DNAH1: variants seen among roughly 807,000 people sequenced by gnomAD.
DNAH1 encodes axonemal beta dynein heavy chain 1.
DNAH1 carries 327 observed loss-of-function variants against 484.3 expected under a neutral mutation model. The observed-to-expected ratio is 0.68, with a 90% confidence interval of 0.62 to 0.74. The LOEUF (loss-of-function observed/expected upper bound fraction) is 0.74, where lower values mean the gene tolerates loss of function less well. Ranked by LOEUF, DNAH1 falls within the 30% of genes least tolerant of loss-of-function variation. The pLI is 0.00. For synonymous variants in DNAH1, 2,192 were observed against 2,191.9 expected, an observed-to-expected ratio of 1.00 and a Z score of 0.00; for missense variants, 5,052 against 5,546.8, an observed-to-expected ratio of 0.91 and a Z score of 2.83.
At chr3:52,393,161 T>C in intron 65 of DNAH1, 136 bp downstream of exon 65, 1 of 1,414,622 alleles carries the variant, frequency 7.1e-7, no homozygotes, top group South Asian at 1.3e-5. Flanking sequence ...TACATAAGAA[T>C]GCACACAGCA....
At chr3:52,339,744 C>T (rs1241449328) in intron 8 of DNAH1, among the ~76,000 whole-genome samples, 1 of 151,874 alleles carries the variant, frequency 6.6e-6, no homozygotes, top group Non-Finnish European at 1.5e-5. Context: ...CCTCTTCTGT[C>T]AGTATTGCAC....
chr3:52,372,188 G>A, intron 42 of DNAH1, 39 bp from the exon 43 acceptor site: 1 of 1,612,076 alleles, frequency 6.2e-7, no homozygotes, highest in Non-Finnish European at 8.5e-7. Flanking sequence ...CTGTGCACCA[G>A]GCCCACCGCA....
intron 7 of DNAH1, among the ~76,000 whole-genome samples, chr3:52,331,787 G>A (rs1052848567): frequency 1.3e-5 from 2 of 151,974 alleles, no homozygotes; most frequent in African/African-American, 4.8e-5. Context: ...ACCACACCCA[G>A]CTACTTTTTT....
At position 52,353,206 on chromosome 3, in the gene DNAH1, C is replaced by T. The variant is rs748968242; in HGVS notation, c.3131C>T (p.Pro1044Leu). 22 of 1,613,856 alleles carry T rather than the reference C, an allele frequency of 1.4e-5. No homozygotes were observed. Among genetic ancestry groups the T allele is most frequent in the South Asian group, 8.8e-5 (8 of 91,092 alleles). Residue 1044 changes from proline to leucine, a missense_variant, in exon 19 of 78, where the codon CCC (proline) becomes CTC (leucine). Physicochemically the swap from Pro to Leu is moderately conservative, Grantham distance 98. Coordinates refer to ENST00000420323, the MANE Select transcript of DNAH1 (RefSeq NM_015512.5). This position sits in a 1 kb window ranked among gnomAD's most constrained non-coding sequence, Gnocchi z 5.0. ...LRWSESWMND[P>L]LSAIDAEQLE... ...TGGTCGGAGAGCTGGATGAATGACC[C>T]CCTCTCTGCCATCGATGCTGAGCAG...
intron 8 of DNAH1, among the ~76,000 whole-genome samples, chr3:52,339,888 G>T (rs1701872665): frequency 1.3e-5 from 2 of 151,562 alleles, no homozygotes; most frequent in African/African-American, 4.9e-5. Context: ...CTCTTATCTT[G>T]CAGAACTCAA....
In DNAH1 at chr3:52,395,411, C is replaced by T. The variant is rs765674277; in HGVS notation, c.11072C>T (p.Ala3691Val). 3.7e-6 allele frequency: 6 copies of T among 1,613,852 alleles called. No homozygotes were observed. Among genetic ancestry groups the T allele is most frequent in the Non-Finnish European group, 5.1e-6 (6 of 1,179,884 alleles). ...CCTGCTGCCGACCTCTACAAGTTTG[C>T]CGAAGAAATGAAGTTCTCCAAAAAG... ...TDPAADLYKFAEEMKFSKKLS... is the reference protein window; with the variant it reads ...TDPAADLYKFVEEMKFSKKLS... Residue 3691 changes from alanine (A) to valine (V), a missense_variant, in exon 69 of 78, where the codon GCC (alanine) becomes GTC (valine). Around this residue, in one of 4 missense-constraint regions of DNAH1, gnomAD observed 853 missense variants for 899.0 expected, o/e 0.95. Coordinates refer to ENST00000420323, the MANE Select transcript of DNAH1 (RefSeq NM_015512.5). The surrounding 1 kb of genome is among the most constrained non-coding windows in gnomAD (Gnocchi z 4.4).
intron 77 of DNAH1, 87 bp downstream of exon 77, chr3:52,399,866 A>C (rs1478332597): frequency 7.3e-7 from 1 of 1,366,338 alleles, no homozygotes; most frequent in Admixed American, 2.0e-5. Flanking sequence ...TATCCAGGTT[A>C]GCTGAACAAG....
chr3:52,381,739 C>G lies in DNAH1; in HGVS notation c.7708C>G (p.Arg2570Gly). 6.2e-7 allele frequency: 1 copy of G among 1,604,800 alleles called. No individual in the cohort carries two copies. The highest frequency in any genetic ancestry group is 8.5e-7 in the Non-Finnish European group (1 of 1,176,462). Residue 2570 changes from arginine to glycine, a missense_variant, in exon 49 of 78, where the codon CGC becomes GGC. Physicochemically the swap from Arg to Gly is moderately radical, Grantham distance 125 (BLOSUM62 -2). Around this residue, in one of 4 missense-constraint regions of DNAH1, gnomAD observed 2,929 missense variants for 3,409.4 expected, o/e 0.86. Transcript: ENST00000420323. The surrounding 1 kb of genome is among the most constrained non-coding windows in gnomAD (Gnocchi z 4.1). The stretch of plus-strand genomic sequence containing the variant: ...CATGGACGCCATGAGCCACATCTGT[C>G]GCATCAGCCGCACCCTACGCCAGGC... ...LFMDAMSHIC[R>G]ISRTLRQALG... is the part of the protein sequence containing the mutation.
At position 52,372,983 on chromosome 3, in the gene DNAH1, T is replaced by C. The variant is rs748878914; in HGVS notation, c.6915T>C (p.Gly2305=). Residue 2305 remains glycine, a synonymous_variant, in exon 44 of 78, where the codon GGT becomes GGC. Transcript: ENST00000420323. Reference sequence around the variant, plus strand: ...ACATGCCGGCCCTGGAGACCTACGGTGCACAGCCACCCATCGAGCTGTTGC... The same window carrying C: ...ACATGCCGGCCCTGGAGACCTACGGCGCACAGCCACCCATCGAGCTGTTGC... ...DLNMPALETY[G]AQPPIELLRQ... 9.9e-6 allele frequency: 16 copies of C among 1,613,636 alleles called. No individual in the cohort carries two copies. The highest frequency in any genetic ancestry group is 1.4e-5 in the Non-Finnish European group (16 of 1,179,856).
rs768275238 is a variant in DNAH1, at chr3:52,379,869, G to A, written c.7378-36G>A. 2 of 1,528,226 alleles carry A rather than the reference G, an allele frequency of 1.3e-6. No individual in the cohort carries two copies. Among genetic ancestry groups the A allele is most frequent in the South Asian group, 2.4e-5 (2 of 82,520 alleles). The allele number at this position is 1,528,226 out of a possible 1,614,324, so 94.7% of individuals were successfully genotyped here. On this transcript the variant is annotated intron_variant, in intron 47 of 77. Coordinates refer to ENST00000420323, the MANE Select transcript of DNAH1 (RefSeq NM_015512.5). The surrounding 1 kb of genome is among the most constrained non-coding windows in gnomAD (Gnocchi z 4.4). ...TTTGAGAGATAGCTGAGGGCTTGGG[G>A]GCCAAGGACAGGCACCGATGCTGGG...
At chr3:52,317,344 G>A (rs923026901) in intron 1 of DNAH1, among the ~76,000 whole-genome samples, 2 of 152,126 alleles carry the variant, frequency 1.3e-5, no homozygotes, top group Non-Finnish European at 2.9e-5. Context: ...GGTGTCGGGC[G>A]CATCCGCTGC....
chr3:52,396,271 C>T (rs1436796467), intron 70 of DNAH1, 97 bp from the exon 71 acceptor site: 3 of 1,383,774 alleles, frequency 2.2e-6, no homozygotes, highest in East Asian at 5.0e-5. Flanking sequence ...TGCAGCCTCG[C>T]CTGACCCACC....
At chr3:52,336,631 G>A (rs1376525377) in intron 8 of DNAH1, among the ~76,000 whole-genome samples, 9 of 152,084 alleles carry the variant, frequency 5.9e-5, no homozygotes, top group Non-Finnish European at 1.0e-4. Context: ...GTAAGGGTCC[G>A]GTTTCAATCT....
At chr3:52,345,451 G>T (rs1178381977) in intron 9 of DNAH1, 44 bp from the exon 10 acceptor site, 11 of 1,525,604 alleles carry the variant, frequency 7.2e-6, no homozygotes, top group Non-Finnish European at 8.9e-6. Flanking sequence ...CCCTGGTTTG[G>T]CCAGGCAGGG....
intron 15 of DNAH1, 67 bp downstream of exon 15, chr3:52,350,175 G>T (rs1352680189): frequency 1.3e-6 from 2 of 1,568,358 alleles, no homozygotes; most frequent in South Asian, 2.3e-5. Context: ...CCGAGGGCTG[G>T]GGCAGGCAGG....
At chr3:52,383,292 T>C (rs1703939660) in intron 50 of DNAH1, 94 bp from the exon 51 acceptor site, 1 of 1,135,972 alleles carries the variant, frequency 8.8e-7, no homozygotes, top group Non-Finnish European at 1.3e-6. Flanking sequence ...TGGTACAGTC[T>C]GTCAAATGGA....
chr3:52,336,192 A>G (rs1213104910), intron 8 of DNAH1, among the ~76,000 whole-genome samples: 3 of 152,216 alleles, frequency 2.0e-5, no homozygotes, highest in Non-Finnish European at 2.9e-5. Flanking sequence ...CCCAAGGCCA[A>G]CATCCAGAAT....
chr3:52,392,549 A>T lies in DNAH1; in HGVS notation c.10138A>T (p.Asn3380Tyr). The part of the protein sequence containing the change: ...EEAKNQLIIS[N>Y]AKMRQELKDI... ...GGCCAAGAACCAGCTGATTATCAGTAATGCCAAGATGCGCCAGGAGCTGAA... is the reference window on the plus strand; with the variant it reads ...GGCCAAGAACCAGCTGATTATCAGTTATGCCAAGATGCGCCAGGAGCTGAA... The change falls in exon 64 of 78, where the codon AAT (asparagine) becomes TAT (tyrosine). Residue 3380 changes from asparagine to tyrosine, a missense_variant. Physicochemically the swap from Asn to Tyr is moderately radical, Grantham distance 143. Around this residue, in one of 4 missense-constraint regions of DNAH1, gnomAD observed 2,929 missense variants for 3,409.4 expected, o/e 0.86. Coordinates refer to ENST00000420323, the MANE Select transcript of DNAH1 (RefSeq NM_015512.5). 6.2e-7 allele frequency: 1 copy of T among 1,613,996 alleles called. No homozygotes were observed. The highest frequency in any genetic ancestry group is 8.5e-7 in the Non-Finnish European group (1 of 1,179,888).
At position 52,372,878 on chromosome 3, in the gene DNAH1, C is replaced by T. The variant is rs1703406302; in HGVS notation, c.6828-18C>T. 1 of 1,604,752 alleles carries T rather than the reference C, an allele frequency of 6.2e-7. No homozygotes were observed. Among genetic ancestry groups the T allele is most frequent in the Non-Finnish European group, 8.5e-7 (1 of 1,173,800 alleles). On this transcript the variant is annotated intron_variant, in intron 43 of 77. Coordinates refer to ENST00000420323, the MANE Select transcript of DNAH1 (RefSeq NM_015512.5). ...CTGGTGCCTGTGGGTGCTGGGCTCA[C>T]ACAGCCCCTCCCCTCAGGCGGAAGG...
Sources: gnomAD v4.1 joint callset for allele counts (sites outside exome capture counted in the v4.1 genomes callset) on GRCh38, gnomAD v4.1.1 for gene constraint, gnomAD v4.1.1 regional missense constraint, Gnocchi (gnomAD v3.1) non-coding constraint, MANE v1.5 for transcripts, NCBI Gene and HGNC (gene_info 2026-07-23, HGNC 2026-07-21) for gene names.